Variants in PPP2R3A observed in about 807,000 individuals in gnomAD.
PPP2R3A encodes the protein serine/threonine-protein phosphatase 2A regulatory subunit B'' subunit alpha.
In PPP2R3A, 80 loss-of-function variants were observed where a neutral mutation model predicts 106.9. The observed-to-expected ratio is 0.75, with a 90% CI of 0.62 to 0.90. The LOEUF (loss-of-function observed/expected upper bound fraction) is 0.90, where lower values mean the gene tolerates loss of function less well. Among genes scored for constraint, PPP2R3A ranks in the 40% least tolerant of loss-of-function variants. The probability of loss-of-function intolerance (pLI) is 0.00; values close to 1 mark genes in which losing one functional copy is unlikely to be tolerated. For synonymous variants in PPP2R3A, 483 were observed against 468.3 expected, an observed-to-expected ratio of 1.03 and a Z score of -0.41; for missense variants, 1,386 against 1,350.4, an observed-to-expected ratio of 1.03 and a Z score of -0.41.
At chr3:135,994,727 T>G (rs989622403) in intron 1 of PPP2R3A, among the ~76,000 whole-genome samples, 1 of 152,208 alleles carries the variant, frequency 6.6e-6, no homozygotes, top group Non-Finnish European at 1.5e-5. Flanking sequence ...AAACCCATAC[T>G]GCACATTTTC....
rs867882235 is a variant in PPP2R3A at position 136,041,238 on chromosome 3, G to T, written c.2366+276G>T. Among the ~76,000 whole-genome samples the T allele has an allele frequency of 4.0e-4, 37 of 92,838 alleles. 1 individual carries two copies. The highest frequency in any genetic ancestry group is 6.3e-3 in the Middle Eastern group (1 of 158). The allele number at this position is 92,838 out of a possible 152,430, so 60.9% of individuals were successfully genotyped here. A position where few individuals can be genotyped will look rare whatever the true frequency, so the allele number is the denominator to read the frequency against. On this transcript the variant is annotated intron_variant, in intron 4 of 13. Coordinates refer to ENST00000264977, the MANE Select transcript of PPP2R3A (RefSeq NM_002718.5). ...TTATTAGTTTTACTTGGTTTTTCTT[G>T]TTTTTTTTTTTGTTTTTTTTTTTGT...
Position 136,001,522 on chromosome 3 carries a change from G to A in PPP2R3A, c.24G>A (p.Val8=). Residue 8 remains valine (V), a synonymous_variant, in exon 2 of 14, where the codon GTG becomes GTA. Coordinates refer to ENST00000264977, the MANE Select transcript of PPP2R3A (RefSeq NM_002718.5). ...TTATGGCAGCAACTTACAGACTTGT[G>A]GTTAGTACTGTGAACCACTACAGCA... MAATYRL[V]VSTVNHYSSV... 1 of 1,614,024 alleles carries A rather than the reference G, an allele frequency of 6.2e-7. No individual in the cohort carries two copies. Among genetic ancestry groups the A allele is most frequent in the Non-Finnish European group, 8.5e-7 (1 of 1,179,952 alleles).
rs141639844 is a variant in PPP2R3A, at chr3:136,109,320, T to C, written c.3329+2998T>C. Reference sequence around the variant, plus strand: ...ACACACAAAAGAAAAACACAGACCATGCGGCATAAACTAAAGATGCCAGAA... The same window carrying C: ...ACACACAAAAGAAAAACACAGACCACGCGGCATAAACTAAAGATGCCAGAA... On this transcript the variant is annotated intron_variant, in intron 13 of 13. Transcript: ENST00000264977. 3.5e-3 allele frequency among the ~76,000 whole-genome samples: 540 copies of C among 152,234 alleles called. 7 individuals are homozygous for C. In the East Asian group the frequency reaches 0.047, roughly 13 times the overall value.
chr3:135,986,759 C>T (rs181171515), intron 1 of PPP2R3A, among the ~76,000 whole-genome samples: 188 of 152,234 alleles, frequency 1.2e-3, no homozygotes, highest in Middle Eastern at 6.8e-3. Flanking sequence ...CTTTATAATT[C>T]TTTCTGTTGT....
chr3:136,048,175 A>G (rs546404623), intron 4 of PPP2R3A, among the ~76,000 whole-genome samples: 1 of 152,322 alleles, frequency 6.6e-6, no homozygotes, highest in South Asian at 2.1e-4. Context: ...TAATAAGCAC[A>G]TGGAAGGACA....
intron 5 of PPP2R3A, 131 bp downstream of exon 5, chr3:136,049,492 A>C (rs1935599010): frequency 1.7e-6 from 1 of 597,382 alleles, no homozygotes. Flanking sequence ...AGTGGTTTTC[A>C]AACTTGTTTT....
At chr3:136,137,830 C>T (rs1437277550) in intron 13 of PPP2R3A, among the ~76,000 whole-genome samples, 5 of 150,794 alleles carry the variant, frequency 3.3e-5, no homozygotes, top group Admixed American at 1.3e-4. Context: ...CGTGAGCCAC[C>T]GCGCCCGGCC....
At chr3:136,041,488 A>G (rs888322771) in intron 4 of PPP2R3A, among the ~76,000 whole-genome samples, 4 of 151,512 alleles carry the variant, frequency 2.6e-5, no homozygotes, top group East Asian at 1.9e-4. Context: ...GCCTTAAGCA[A>G]TCCTCCCAGC....
chr3:136,017,892 G>A (rs764153862), intron 2 of PPP2R3A, among the ~76,000 whole-genome samples: 20 of 152,112 alleles, frequency 1.3e-4, no homozygotes, highest in Non-Finnish European at 2.1e-4. Context: ...CTACTCTAAG[G>A]CCTTAGCTGA....
chr3:136,030,578 A>G (rs1420493457), intron 3 of PPP2R3A, among the ~76,000 whole-genome samples: 1 of 151,688 alleles, frequency 6.6e-6, no homozygotes, highest in Non-Finnish European at 1.5e-5. Context: ...TAGTCCCCAA[A>G]GTCCATTGTG....
Position 136,090,617 on chromosome 3 carries a change from A to AGAT in PPP2R3A, c.2878_2880dup (p.Asp960dup). The AGAT allele has an allele frequency of 6.2e-7, 1 of 1,613,730 alleles. No individual in the cohort carries two copies. The highest frequency in any genetic ancestry group is 8.5e-7 in the Non-Finnish European group (1 of 1,179,780). On this transcript the variant is annotated inframe_insertion, in exon 10 of 14. Coordinates refer to ENST00000264977, the MANE Select transcript of PPP2R3A (RefSeq NM_002718.5). ...AGAAAGAGGGAAGAATGAGCTATGC[A>AGAT]GATTTTGTTTGGTTTTTGATCTCTG...
intron 13 of PPP2R3A, 80 bp downstream of exon 13, chr3:136,106,402 C>A: frequency 8.0e-7 from 1 of 1,245,728 alleles, no homozygotes; most frequent in Non-Finnish European, 1.1e-6. Context: ...CTTACAAAAT[C>A]CTTTTCTGTT....
chr3:136,025,378 C>T (rs1934610246), intron 2 of PPP2R3A, among the ~76,000 whole-genome samples: 5 of 152,046 alleles, frequency 3.3e-5, no homozygotes, highest in Admixed American at 3.3e-4. Flanking sequence ...ATATGGGTGA[C>T]ATCCTGATAC....
chr3:135,990,803 T>G (rs1170949212), intron 1 of PPP2R3A, among the ~76,000 whole-genome samples: 1 of 152,038 alleles, frequency 6.6e-6, no homozygotes, highest in Non-Finnish European at 1.5e-5. Context: ...AGCTTCATCT[T>G]GTGTCCTCAA....
chr3:136,012,666 A>T (rs115324798), intron 2 of PPP2R3A, among the ~76,000 whole-genome samples: 1 of 152,340 alleles, frequency 6.6e-6, no homozygotes, highest in Non-Finnish European at 1.5e-5. Flanking sequence ...ACCAAGTTAG[A>T]GCAGAAAGGT....
chr3:135,988,876 A>G (rs1393048193), intron 1 of PPP2R3A, among the ~76,000 whole-genome samples: 1 of 152,176 alleles, frequency 6.6e-6, no homozygotes, highest in Non-Finnish European at 1.5e-5. Context: ...ATGATGCTAC[A>G]GTCTTGACAT....
intron 2 of PPP2R3A, among the ~76,000 whole-genome samples, chr3:136,015,324 G>A (rs371372381): frequency 3.3e-5 from 5 of 152,058 alleles, no homozygotes; most frequent in African/African-American, 4.8e-5. Context: ...GGGTGATACT[G>A]GCTTCATAGA....
chr3:136,085,422 T>C (rs1936901395), intron 8 of PPP2R3A, among the ~76,000 whole-genome samples: 1 of 152,244 alleles, frequency 6.6e-6, no homozygotes, highest in East Asian at 1.9e-4. Flanking sequence ...AATTACCCAG[T>C]CTCAGGTATG....
chr3:135,983,320 G>A (rs1937563516), intron 1 of PPP2R3A, among the ~76,000 whole-genome samples: 2 of 152,088 alleles, frequency 1.3e-5, no homozygotes, highest in South Asian at 4.1e-4. Flanking sequence ...CTGTGCACTG[G>A]CTATGTGGTG....
Sources: allele counts gnomAD v4.1 joint callset (sites outside exome capture counted in the v4.1 genomes callset), GRCh38; gene constraint gnomAD v4.1.1; transcripts MANE v1.5; gene names NCBI Gene and HGNC (gene_info 2026-07-23, HGNC 2026-07-21).